Variants in KCNG3 observed in about 807,000 individuals in gnomAD.
The protein encoded by KCNG3 is voltage-gated potassium channel regulatory subunit KCNG3.
Under a neutral mutation model 29.0 loss-of-function variants are expected in KCNG3, and 15 were observed. That is an observed-to-expected ratio of 0.52 (90% confidence interval 0.35 to 0.80). The LOEUF (loss-of-function observed/expected upper bound fraction) is 0.80. KCNG3 is among the 30% of genes least tolerant of loss of function. The pLI is 0.01. For missense variants in KCNG3, 512 were observed against 605.7 expected, an observed-to-expected ratio of 0.85 and a Z score of 1.62; for synonymous variants, 322 against 248.9, an observed-to-expected ratio of 1.29 and a Z score of -2.76.
At position 42,492,926 on chromosome 2, in the gene KCNG3, C is replaced by T. The variant is rs1181090864; in HGVS notation, c.576G>A (p.Thr192=). The change falls in exon 1 of 2, where the codon ACG becomes ACA. Residue 192 remains threonine (T), a synonymous_variant. Transcript: ENST00000306078. Reference sequence around the variant, plus strand: ...CGGCTGCGTTGCGCCAGTCGGGCAACGTGCTGGCGCACAGCACCACCATGG... The same window carrying T: ...CGGCTGCGTTGCGCCAGTCGGGCAATGTGCTGGCGCACAGCACCACCATGG... ...IVSMVVLCAS[T]LPDWRNAAAD... 2 of 1,586,004 alleles carry T rather than the reference C, an allele frequency of 1.3e-6. No individual in the cohort carries two copies. The highest frequency in any genetic ancestry group is 1.8e-5 in the Admixed American group (1 of 55,870).
chr2:42,413,270 G>A, the KCNG3 span, among the ~76,000 whole-genome samples: 1 of 152,278 alleles, frequency 6.6e-6, no homozygotes, highest in South Asian at 2.1e-4. Context: ...ATCCTGAGTA[G>A]CTGAGATTAT....
At chr2:42,436,577 A>G in the KCNG3 span, among the ~76,000 whole-genome samples, 5 of 152,214 alleles carry the variant, frequency 3.3e-5, no homozygotes, top group South Asian at 4.1e-4. Context: ...TGGCCACTCA[A>G]TTGCCTCTTG....
chr2:42,485,295 TAA>T (rs979180887), intron 1 of KCNG3, among the ~76,000 whole-genome samples: 2 of 152,164 alleles, frequency 1.3e-5, no homozygotes, highest in Non-Finnish European at 2.9e-5. Context: ...CTTTGCCTGC[TAA>T]AGAGATTTAA....
intron 1 of KCNG3, among the ~76,000 whole-genome samples, chr2:42,450,328 C>T (rs1292688102): frequency 2.0e-5 from 3 of 152,078 alleles, no homozygotes; most frequent in Non-Finnish European, 4.4e-5. Context: ...AGTGAGAAAC[C>T]CCAGGCATCA....
At chr2:42,416,311 T>C in the KCNG3 span, among the ~76,000 whole-genome samples, 2 of 152,156 alleles carry the variant, frequency 1.3e-5, no homozygotes, top group African/African-American at 4.8e-5. Flanking sequence ...TAATATATTG[T>C]ATATTTCAAA....
intron 1 of KCNG3, among the ~76,000 whole-genome samples, chr2:42,472,021 C>G (rs1236514627): frequency 2.0e-5 from 3 of 152,066 alleles, no homozygotes; most frequent in Non-Finnish European, 4.4e-5. Context: ...CTATTCACTA[C>G]TGTTAAGAAT....
At chr2:42,423,052 G>A in the KCNG3 span, among the ~76,000 whole-genome samples, 2 of 152,090 alleles carry the variant, frequency 1.3e-5, no homozygotes, top group East Asian at 1.9e-4. Flanking sequence ...CCAAAATCCT[G>A]ACCATTTGGA....
chr2:42,483,702 A>G (rs375873105), intron 1 of KCNG3, among the ~76,000 whole-genome samples: 72 of 152,374 alleles, frequency 4.7e-4, no homozygotes, highest in African/African-American at 1.6e-3. Flanking sequence ...ACATTTATTA[A>G]ATGAATTATG....
At chr2:42,391,143 T>A in the KCNG3 span, among the ~76,000 whole-genome samples, 1 of 152,178 alleles carries the variant, frequency 6.6e-6, no homozygotes, top group African/African-American at 2.4e-5. Flanking sequence ...ACAGGGCCCA[T>A]TTGCCTCATT....
the KCNG3 span, among the ~76,000 whole-genome samples, chr2:42,404,381 T>G: frequency 6.6e-6 from 1 of 152,154 alleles, no homozygotes; most frequent in African/African-American, 2.4e-5. Context: ...GCTCTAGAAA[T>G]GACTCCCAGA....
chr2:42,449,502 C>A (rs1357854124), intron 1 of KCNG3, among the ~76,000 whole-genome samples: 3 of 145,390 alleles, frequency 2.1e-5, no homozygotes, highest in African/African-American at 7.6e-5. Context: ...TTGTGTTAAG[C>A]CACTGAGATT....
chr2:42,484,511 T>A (rs1479667232), intron 1 of KCNG3, among the ~76,000 whole-genome samples: 1 of 152,182 alleles, frequency 6.6e-6, no homozygotes, highest in Admixed American at 6.6e-5. Flanking sequence ...TATGTGTGTA[T>A]ATATATGTAA....
At chr2:42,432,283 C>A in the KCNG3 span, among the ~76,000 whole-genome samples, 2 of 152,178 alleles carry the variant, frequency 1.3e-5, no homozygotes, top group African/African-American at 4.8e-5. Flanking sequence ...TAGGGCAATG[C>A]TGAAGGTTAA....
At chr2:42,453,923 G>C (rs921193845) in intron 1 of KCNG3, among the ~76,000 whole-genome samples, 3 of 152,004 alleles carry the variant, frequency 2.0e-5, no homozygotes, top group Admixed American at 2.0e-4. Context: ...TTTTGCATAT[G>C]GATGTCCAGT....
chr2:42,391,279 T>C, the KCNG3 span, among the ~76,000 whole-genome samples: 2 of 152,156 alleles, frequency 1.3e-5, no homozygotes, highest in Admixed American at 6.6e-5. Context: ...TCCTCACTTC[T>C]ATGACCAGAA....
the KCNG3 span, among the ~76,000 whole-genome samples, chr2:42,391,472 G>A: frequency 6.6e-6 from 1 of 152,118 alleles, no homozygotes; most frequent in Non-Finnish European, 1.5e-5. Flanking sequence ...AAACAAAGTG[G>A]CAACAGAAAC....
At chr2:42,448,383 ATTTT>A (rs749873622) in intron 1 of KCNG3, among the ~76,000 whole-genome samples, 5 of 117,776 alleles carry the variant, frequency 4.2e-5, no homozygotes, top group Middle Eastern at 4.1e-3. Flanking sequence ...TTATTTATTT[ATTTT>A]TTGTATGGCA....
chr2:42,492,404 A>G (rs1673904885), intron 1 of KCNG3, among the ~76,000 whole-genome samples: 1 of 152,224 alleles, frequency 6.6e-6, no homozygotes, highest in South Asian at 2.1e-4. Context: ...TGCACATTTC[A>G]CCATAACAAG....
the KCNG3 span, among the ~76,000 whole-genome samples, chr2:42,399,648 T>G: frequency 1.3e-5 from 2 of 152,148 alleles, no homozygotes; most frequent in African/African-American, 2.4e-5. Flanking sequence ...TCAAGAATAA[T>G]TAAAGGGTAA....
Sources: allele counts gnomAD v4.1 joint callset (sites outside exome capture counted in the v4.1 genomes callset), GRCh38; gene constraint gnomAD v4.1.1; transcripts MANE v1.5; gene names NCBI Gene and HGNC (gene_info 2026-07-23, HGNC 2026-07-21).